PIP5K1B: variants seen among roughly 807,000 people sequenced by gnomAD.
PIP5K1B encodes phosphatidylinositol-4-phosphate 5-kinase type 1 beta, also known as phosphatidylinositol 4-phosphate 5-kinase type-1 beta.
PIP5K1B carries 42 observed loss-of-function variants against 67.0 expected under a neutral mutation model. The observed-to-expected ratio is 0.63, with a 90% CI of 0.49 to 0.81. The LOEUF is 0.81. PIP5K1B is among the 30% of genes least tolerant of loss of function. The probability of loss-of-function intolerance (pLI) is 0.00; values close to 1 mark genes in which losing one functional copy is unlikely to be tolerated. For missense variants in PIP5K1B, 459 were observed against 646.3 expected (o/e 0.71, Z 3.14); for synonymous variants, 214 against 231.4 (o/e 0.92, Z 0.68).
chr9:68,789,625 G>C lies in PIP5K1B; in HGVS notation c.-85-28836G>C, dbSNP rs531116117. On this transcript the variant is annotated intron_variant, in intron 2 of 15. Coordinates refer to ENST00000265382, the MANE Select transcript of PIP5K1B (RefSeq NM_003558.4). ...ACCACACTTCTCCAGTGTTTCTCCAGGAAAATATCTCCAGAGGAGTTGATC... is the reference window on the plus strand; with the variant it reads ...ACCACACTTCTCCAGTGTTTCTCCACGAAAATATCTCCAGAGGAGTTGATC... 1.1e-5 allele frequency: 4 copies of C among 362,688 alleles called. No individual in the cohort carries two copies. In the Admixed American group the frequency reaches 1.4e-4, roughly 13 times the overall value. The allele number at this position is 362,688 out of a possible 1,614,324, so 22.5% of individuals were successfully genotyped here. A position where few individuals can be genotyped will look rare whatever the true frequency, so the allele number is the denominator to read the frequency against.
At chr9:68,914,640 G>A (rs546200094) in intron 8 of PIP5K1B, among the ~76,000 whole-genome samples, 12 of 152,164 alleles carry the variant, frequency 7.9e-5, no homozygotes, top group South Asian at 2.1e-4. Context: ...GTGTGAACCC[G>A]GGAGGTGGAG....
intron 12 of PIP5K1B, among the ~76,000 whole-genome samples, chr9:68,926,702 G>A (rs1029261279): frequency 6.6e-6 from 1 of 152,026 alleles, no homozygotes; most frequent in Non-Finnish European, 1.5e-5. Context: ...CTCCCAAATA[G>A]CTGGGATTAC....
At chr9:68,806,897 A>C (rs1331809582) in intron 2 of PIP5K1B, among the ~76,000 whole-genome samples, 1 of 151,334 alleles carries the variant, frequency 6.6e-6, no homozygotes, top group Non-Finnish European at 1.5e-5. Flanking sequence ...TGGAAAATTT[A>C]ATATTCAGTG....
chr9:68,883,518 A>G (rs1263401893), intron 6 of PIP5K1B, among the ~76,000 whole-genome samples: 1 of 152,168 alleles, frequency 6.6e-6, no homozygotes, highest in Non-Finnish European at 1.5e-5. Context: ...TATCCTCAGT[A>G]TTTTCAAAGC....
chr9:68,792,883 T>G (rs2132504802), intron 2 of PIP5K1B, among the ~76,000 whole-genome samples: 1 of 152,290 alleles, frequency 6.6e-6, no homozygotes, highest in Admixed American at 6.5e-5. Context: ...ATTCATTCAT[T>G]AAGCGATGTT....
chr9:68,935,187 C>T, intron 13 of PIP5K1B, 142 bp downstream of exon 13: 2 of 687,310 alleles, frequency 2.9e-6, no homozygotes, highest in South Asian at 4.0e-5. Context: ...GCTGCAGTGG[C>T]CGGGCGCAGT....
intron 2 of PIP5K1B, among the ~76,000 whole-genome samples, chr9:68,810,363 G>A (rs1318583337): frequency 1.3e-5 from 2 of 152,232 alleles, no homozygotes; most frequent in African/African-American, 2.4e-5. Context: ...TCGAAGAGAA[G>A]TGGACAGCAG....
At chr9:68,777,687 C>T (rs561052386) in intron 2 of PIP5K1B, among the ~76,000 whole-genome samples, 22 of 152,278 alleles carry the variant, frequency 1.4e-4, no homozygotes, top group Admixed American at 1.1e-3. Flanking sequence ...GGGCTCATCA[C>T]CATCCTTGTG....
chr9:68,942,675 C>T (rs1564255296), intron 14 of PIP5K1B, among the ~76,000 whole-genome samples: 1 of 152,178 alleles, frequency 6.6e-6, no homozygotes, highest in Non-Finnish European at 1.5e-5. Flanking sequence ...TACACCGATA[C>T]TGACTAGCAT....
intron 1 of PIP5K1B, among the ~76,000 whole-genome samples, chr9:68,716,083 T>G (rs2132250084): frequency 6.6e-6 from 1 of 152,332 alleles, no homozygotes; most frequent in South Asian, 2.1e-4. Context: ...ATTACTTATT[T>G]TAAAAATTAG....
intron 14 of PIP5K1B, among the ~76,000 whole-genome samples, chr9:68,976,947 G>A (rs1327009173): frequency 6.6e-6 from 1 of 152,152 alleles, no homozygotes; most frequent in Non-Finnish European, 1.5e-5. Flanking sequence ...CCCAATTCCT[G>A]TTGCCTTCAT....
In PIP5K1B at chr9:68,919,973, T is replaced by C. The variant is rs1826281254; in HGVS notation, c.1116+244T>C. On this transcript the variant is annotated intron_variant, in intron 11 of 15. Transcript: ENST00000265382. ...AGAAAAACAAAATGATATCTGTGTC[T>C]ATGTGAAATCCAAAGGACCTAACTT... Among the ~76,000 whole-genome samples, 3 of 152,248 alleles carry C rather than the reference T, an allele frequency of 2.0e-5. No individual in the cohort carries two copies. In the South Asian group the frequency reaches 6.2e-4, roughly 31 times the overall value.
chr9:68,968,715 A>ATATTT (rs779031015), intron 14 of PIP5K1B, among the ~76,000 whole-genome samples: 170 of 142,230 alleles, frequency 1.2e-3, no homozygotes, highest in African/African-American at 4.3e-3. Flanking sequence ...ATATATATAT[A>ATATTT]TTTTTTTTTT....
At chr9:68,734,610 T>C in intron 1 of PIP5K1B, among the ~76,000 whole-genome samples, 1 of 152,212 alleles carries the variant, frequency 6.6e-6, no homozygotes, top group East Asian at 1.9e-4. Context: ...TTTCCTCTAA[T>C]GTGATGACTG....
intron 11 of PIP5K1B, 71 bp from the exon 12 acceptor site, chr9:68,923,231 A>G: frequency 2.3e-6 from 2 of 865,580 alleles, no homozygotes; most frequent in Non-Finnish European, 3.8e-6. Context: ...AACCAATTGC[A>G]TAGATCTCTC....
intron 14 of PIP5K1B, among the ~76,000 whole-genome samples, chr9:68,957,958 CT>C (rs1239589066): frequency 6.6e-6 from 1 of 151,944 alleles, no homozygotes; most frequent in Non-Finnish European, 1.5e-5. Context: ...ACTGCATCCT[CT>C]GCCTCCTGGC....
At chr9:68,723,217 G>A (rs928215764) in intron 1 of PIP5K1B, among the ~76,000 whole-genome samples, 18 of 149,782 alleles carry the variant, frequency 1.2e-4, no homozygotes, top group Admixed American at 1.1e-3. Context: ...AGAGAGAGAC[G>A]TTTTCTTTGT....
At chr9:68,797,300 C>T (rs562024794) in intron 2 of PIP5K1B, among the ~76,000 whole-genome samples, 1 of 152,222 alleles carries the variant, frequency 6.6e-6, no homozygotes, top group Non-Finnish European at 1.5e-5. Flanking sequence ...GAGGAAGCAA[C>T]TCTTTAGCAG....
intron 4 of PIP5K1B, among the ~76,000 whole-genome samples, chr9:68,856,001 A>G (rs1349336010): frequency 6.6e-6 from 1 of 152,208 alleles, no homozygotes; most frequent in Non-Finnish European, 1.5e-5. Context: ...AAGTTCTAAA[A>G]TCAAGGTGTT....
Sources: gnomAD v4.1 joint callset for allele counts (sites outside exome capture counted in the v4.1 genomes callset) on GRCh38, gnomAD v4.1.1 for gene constraint, MANE v1.5 for transcripts, NCBI Gene and HGNC (gene_info 2026-07-23, HGNC 2026-07-21) for gene names.